Variants in BAZ1A observed in about 807,000 individuals in gnomAD.
The protein encoded by BAZ1A is bromodomain adjacent to zinc finger domain protein 1A.
A neutral mutation model predicts 185.2 loss-of-function variants in BAZ1A; 50 were observed. That is an observed-to-expected ratio of 0.27 (90% CI 0.22 to 0.34). The LOEUF (loss-of-function observed/expected upper bound fraction) is 0.34. Ranked by LOEUF, BAZ1A falls within the 10% of genes least tolerant of loss-of-function variation. The pLI, the probability that BAZ1A is intolerant of heterozygous loss-of-function variation, is 1.00. For missense variants in BAZ1A, 1,356 were observed against 1,839.9 expected (o/e 0.74, Z 4.81); for synonymous variants, 571 against 615.6 (o/e 0.93, Z 1.07).
intron 16 of BAZ1A, among the ~76,000 whole-genome samples, chr14:34,781,204 A>G (rs1002404135): frequency 5.3e-5 from 8 of 152,214 alleles, no homozygotes; most frequent in Non-Finnish European, 1.2e-4. Flanking sequence ...CTGAATAAAT[A>G]TTTAAAAAAT....
At chr14:34,801,723 ACATG>A (rs890715786) in intron 7 of BAZ1A, among the ~76,000 whole-genome samples, 8 of 152,136 alleles carry the variant, frequency 5.3e-5, no homozygotes, top group African/African-American at 1.9e-4. Context: ...AGCCTGGCCA[ACATG>A]GTGAAACCCC....
chr14:34,771,604 G>A lies in BAZ1A; in HGVS notation c.3208C>T (p.Pro1070Ser). ...TGAACCACACTGCTCACTGATTGTG[G>A]TGTACTTGCATTTGTTGATACAGTA... ...PSTVSTNAST[P>S]QSVSSVVHYL... Residue 1070 changes from proline (P) to serine (S), a missense_variant, in exon 21 of 27, where the codon CCA (proline) becomes TCA (serine). Physicochemically the swap from Pro to Ser is moderately conservative, Grantham distance 74. Coordinates refer to ENST00000360310, the MANE Select transcript of BAZ1A (RefSeq NM_013448.3). The A allele has an allele frequency of 6.2e-7, 1 of 1,614,032 alleles. No homozygotes were observed. Among genetic ancestry groups the A allele is most frequent in the Non-Finnish European group, 8.5e-7 (1 of 1,179,966 alleles).
In BAZ1A at chr14:34,807,416, C is replaced by T. The variant is rs531325600; in HGVS notation, c.726+35G>A. On this transcript the variant is annotated intron_variant, in intron 6 of 26. Transcript: ENST00000360310. Reference sequence around the variant, plus strand: ...TTTATAACACTACCCATTTTGTTTTCTGTCTTCCAACAAATAATTTCATTA... The same window carrying T: ...TTTATAACACTACCCATTTTGTTTTTTGTCTTCCAACAAATAATTTCATTA... 2.3e-5 allele frequency: 34 copies of T among 1,488,070 alleles called. No homozygotes were observed. In the African/African-American group the frequency reaches 2.5e-4, roughly 11 times the overall value. The allele number at this position is 1,488,070 out of a possible 1,614,324, so 92.2% of individuals were successfully genotyped here.
chr14:34,849,031 G>A (rs2042558460), intron 3 of BAZ1A, among the ~76,000 whole-genome samples: 1 of 152,168 alleles, frequency 6.6e-6, no homozygotes. Context: ...AGGTGTGGTG[G>A]CTCACACTTA....
chr14:34,801,041 G>T, intron 8 of BAZ1A, 53 bp downstream of exon 8: 1 of 1,343,682 alleles, frequency 7.4e-7, no homozygotes, highest in Non-Finnish European at 1.0e-6. Context: ...CAGGCACAGA[G>T]AAATATTCTT....
At chr14:34,801,829 C>T in intron 7 of BAZ1A, among the ~76,000 whole-genome samples, 1 of 150,074 alleles carries the variant, frequency 6.7e-6, no homozygotes, top group South Asian at 2.1e-4. Flanking sequence ...CTGCTTGAAC[C>T]CAGGAGGTGG....
chr14:34,832,216 A>T (rs2042255988), intron 3 of BAZ1A, among the ~76,000 whole-genome samples: 1 of 65,784 alleles, frequency 1.5e-5, no homozygotes, highest in African/African-American at 5.4e-5. Context: ...ACACACACAC[A>T]TATATATATA....
chr14:34,799,577 T>C (rs966661871), intron 9 of BAZ1A, among the ~76,000 whole-genome samples: 4 of 152,054 alleles, frequency 2.6e-5, no homozygotes, highest in African/African-American at 9.7e-5. Context: ...GAAACACTAT[T>C]ATTACACCTT....
At chr14:34,839,239 A>G (rs1347382951) in intron 3 of BAZ1A, among the ~76,000 whole-genome samples, 1 of 152,164 alleles carries the variant, frequency 6.6e-6, no homozygotes. Flanking sequence ...GGTGAGTTAC[A>G]TAACTGTGTC....
chr14:34,787,363 A>AAAAAAAAAAAAAAAAAAAGAAAAG (rs775338809), intron 12 of BAZ1A, among the ~76,000 whole-genome samples: 2 of 112,798 alleles, frequency 1.8e-5, no homozygotes, highest in African/African-American at 3.4e-5. Context: ...AAAAAAAAAA[A>AAAAAAAAAAAAAAAAAAAGAAAAG]AAAAAGAAAA....
intron 17 of BAZ1A, among the ~76,000 whole-genome samples, chr14:34,779,789 T>C (rs1385409372): frequency 2.6e-5 from 4 of 152,182 alleles, no homozygotes; most frequent in Non-Finnish European, 5.9e-5. Context: ...CTCTAGCACA[T>C]AGGAGGCATC....
In BAZ1A at chr14:34,875,195, A is replaced by C; in HGVS notation, c.-116T>G. The C allele has an allele frequency of 2.2e-6, 1 of 447,070 alleles. No homozygotes were observed. The highest frequency in any genetic ancestry group is 4.5e-6 in the Non-Finnish European group (1 of 222,446). The allele number at this position is 447,070 out of a possible 1,614,324, so 27.7% of individuals were successfully genotyped here. ...TCTCCACTACAAAGGCAACGAGGGGAGACCCCGTCCTCCCAGGGGACCGCC... is the reference window on the plus strand; with the variant it reads ...TCTCCACTACAAAGGCAACGAGGGGCGACCCCGTCCTCCCAGGGGACCGCC... On this transcript the variant is annotated 5_prime_UTR_variant, in exon 1 of 27. Transcript: ENST00000360310.
At chr14:34,798,221 G>C (rs1003388661) in intron 9 of BAZ1A, among the ~76,000 whole-genome samples, 1 of 152,272 alleles carries the variant, frequency 6.6e-6, no homozygotes, top group Non-Finnish European at 1.5e-5. Context: ...GCCCACCGCA[G>C]CTCTGAAAGG....
Position 34,795,690 on chromosome 14 carries a change from T to C in BAZ1A, c.1204A>G (p.Met402Val), listed in dbSNP as rs569213830. The change falls in exon 10 of 27, where the codon ATG (methionine) becomes GTG (valine). Residue 402 changes from methionine (M) to valine (V), a missense_variant. By Grantham distance (21) the Met-to-Val change is conservative (BLOSUM62 1). This residue lies in a region of BAZ1A where 184 missense variants were observed against 355.1 expected (regional missense o/e 0.52). Coordinates refer to ENST00000360310, the MANE Select transcript of BAZ1A (RefSeq NM_013448.3). The part of the protein sequence containing the change: ...LKQWSKPRED[M>V]ECDDLKELPE... ...TATACCTTAAGGTCATCACATTCCA[T>C]ATCTTCTCTAGGTTTACTCCACTGT... The C allele has an allele frequency of 5.0e-6, 8 of 1,612,128 alleles. No individual in the cohort carries two copies. The Admixed American group carries it at 1.2e-4, about 24-fold the overall frequency.
At chr14:34,832,965 T>C (rs2042272624) in intron 3 of BAZ1A, among the ~76,000 whole-genome samples, 1 of 152,116 alleles carries the variant, frequency 6.6e-6, no homozygotes, top group East Asian at 1.9e-4. Flanking sequence ...ATACATATAA[T>C]GGAACATTCA....
Position 34,874,846 on chromosome 14 carries a change from C to T in BAZ1A, c.-58-184G>A. ...TCGAGCGAGCGGAGCCGCCGCCGCCCCTGCCCCCCGAGCGCGCCCTACCTC... is the reference window on the plus strand; with the variant it reads ...TCGAGCGAGCGGAGCCGCCGCCGCCTCTGCCCCCCGAGCGCGCCCTACCTC... On this transcript the variant is annotated intron_variant, in intron 1 of 26. Coordinates refer to ENST00000360310, the MANE Select transcript of BAZ1A (RefSeq NM_013448.3). This position sits in a 1 kb window ranked among gnomAD's most constrained non-coding sequence, Gnocchi z 4.7. The T allele has an allele frequency of 2.4e-6, 1 of 424,254 alleles. No homozygotes were observed. The highest frequency in any genetic ancestry group is 3.3e-5 in the South Asian group (1 of 30,248). 26.3% of individuals were successfully genotyped at this position (424,254 alleles called of 1,614,324 possible).
chr14:34,768,299 G>T (rs72678730), intron 21 of BAZ1A, among the ~76,000 whole-genome samples: 3,299 of 151,928 alleles, frequency 0.022, 51 homozygotes, highest in Middle Eastern at 0.058. Context: ...CTTCTCTAGG[G>T]GACAAAACAT....
chr14:34,858,549 A>C (rs2042719553), intron 3 of BAZ1A, among the ~76,000 whole-genome samples: 2 of 152,108 alleles, frequency 1.3e-5, no homozygotes, highest in African/African-American at 2.4e-5. Flanking sequence ...TCCTGACCTC[A>C]GGTGATCCAC....
chr14:34,875,228 G>C lies in BAZ1A; in HGVS notation c.-149C>G, dbSNP rs1053697339. ...TCCTCCCAGGGGACCGCCTCTCTCC[G>C]GCCCCGCCGCGCCCCTGGCTGCCGC... is the stretch of plus-strand genomic sequence containing the variant. On this transcript the variant is annotated 5_prime_UTR_variant, in exon 1 of 27. Coordinates refer to ENST00000360310, the MANE Select transcript of BAZ1A (RefSeq NM_013448.3). The C allele has an allele frequency of 8.9e-6, 4 of 451,816 alleles. No individual in the cohort carries two copies. The highest frequency in any genetic ancestry group is 2.4e-5 in the Admixed American group (1 of 42,406). 28.0% of individuals were successfully genotyped at this position (451,816 alleles called of 1,614,324 possible). A position where few individuals can be genotyped will look rare whatever the true frequency, so the allele number is the denominator to read the frequency against.
Sources: allele counts gnomAD v4.1 joint callset (sites outside exome capture counted in the v4.1 genomes callset), GRCh38; gene constraint gnomAD v4.1.1; regional missense constraint gnomAD v4.1.1; non-coding constraint Gnocchi (gnomAD v3.1); transcripts MANE v1.5; gene names NCBI Gene and HGNC (gene_info 2026-07-23, HGNC 2026-07-21).